NARS2: variants seen among roughly 807,000 people sequenced by gnomAD.
NARS2 encodes the protein asparaginyl-tRNA synthetase 2, mitochondrial, also known as asparaginyl-tRNA synthetase.
In NARS2, 60 loss-of-function variants were observed where a neutral mutation model predicts 62.9. That is an observed-to-expected ratio of 0.95 (90% CI 0.77 to 1.18). The LOEUF is 1.18. Among genes scored for constraint, NARS2 ranks in the 50% most tolerant of loss-of-function variants. The pLI, the probability that NARS2 is intolerant of heterozygous loss-of-function variation, is 0.00. For missense variants in NARS2, 619 were observed against 576.4 expected (o/e 1.07, Z -0.76); for synonymous variants, 196 against 200.0 (o/e 0.98, Z 0.17).
In NARS2 at chr11:78,436,604, G is replaced by A; in HGVS notation, c.*66C>T. On this transcript the variant is annotated 3_prime_UTR_variant, in exon 14 of 14. Coordinates refer to ENST00000281038, the MANE Select transcript of NARS2 (RefSeq NM_024678.6). ...TTTCTAAAATCCAAACATGCATTCT[G>A]CTGTATGCACAATCATGTGCAGTGT... The A allele has an allele frequency of 6.6e-7, 1 of 1,522,376 alleles. No individual in the cohort carries two copies. The highest frequency in any genetic ancestry group is 1.2e-5 in the South Asian group (1 of 84,388). The allele number at this position is 1,522,376 out of a possible 1,614,324, so 94.3% of individuals were successfully genotyped here.
In NARS2 at chr11:78,478,495, A is replaced by G. The variant is rs1451218385; in HGVS notation, c.922-20T>C. On this transcript the variant is annotated intron_variant, in intron 8 of 13. Transcript: ENST00000281038. The stretch of plus-strand genomic sequence containing the variant: ...TCTGTCCTTAATAAAAAGACAAAAA[A>G]GAAAATTTTAAAAATATAATTTTAT... 2 of 1,215,294 alleles carry G rather than the reference A, an allele frequency of 1.6e-6. No individual in the cohort carries two copies. The highest frequency in any genetic ancestry group is 2.3e-6 in the Non-Finnish European group (2 of 888,380). 75.3% of individuals were successfully genotyped at this position (1,215,294 alleles called of 1,614,324 possible). A position where few individuals can be genotyped will look rare whatever the true frequency, so the allele number is the denominator to read the frequency against.
At chr11:78,524,155 C>A (rs1006577547) in intron 6 of NARS2, among the ~76,000 whole-genome samples, 7 of 151,972 alleles carry the variant, frequency 4.6e-5, no homozygotes, top group Non-Finnish European at 1.0e-4. Context: ...GGCCCATTAG[C>A]CCCAGATGAT....
At chr11:78,565,985 C>A in intron 4 of NARS2, 147 bp downstream of exon 4, 3 of 615,850 alleles carry the variant, frequency 4.9e-6, no homozygotes, top group Non-Finnish European at 2.7e-6. Context: ...CATGTAGAGT[C>A]AAGAAACCAT....
At chr11:78,490,480 C>T (rs1859773199) in intron 7 of NARS2, among the ~76,000 whole-genome samples, 2 of 152,150 alleles carry the variant, frequency 1.3e-5, no homozygotes, top group African/African-American at 4.8e-5. Context: ...ATCCATCAGT[C>T]AGGGCATCTA....
chr11:78,574,303 A>G lies in NARS2; in HGVS notation c.141+45T>C, dbSNP rs757988692. The stretch of plus-strand genomic sequence containing the variant: ...AAAGCTAGATGTGGATGTGCCATAT[A>G]AAAGTCCCTACAAGAAAAAACCCAC... On this transcript the variant is annotated intron_variant, in intron 1 of 13. Coordinates refer to ENST00000281038, the MANE Select transcript of NARS2 (RefSeq NM_024678.6). 14 of 1,612,648 alleles carry G rather than the reference A, an allele frequency of 8.7e-6. No individual in the cohort carries two copies. The East Asian group carries it at 8.9e-5, about 10-fold the overall frequency.
intron 5 of NARS2, among the ~76,000 whole-genome samples, chr11:78,551,534 T>C (rs1856114355): frequency 6.6e-6 from 1 of 152,138 alleles, no homozygotes; most frequent in South Asian, 2.1e-4. Flanking sequence ...GTGAGATATG[T>C]TCCAATAAAA....
At chr11:78,462,558 TA>T (rs1565213608) in intron 11 of NARS2, among the ~76,000 whole-genome samples, 1 of 151,986 alleles carries the variant, frequency 6.6e-6, no homozygotes, top group East Asian at 1.9e-4. Flanking sequence ...TAGAAAAAAA[TA>T]CATATATTTT....
chr11:78,572,557 G>A (rs893957928), intron 1 of NARS2, among the ~76,000 whole-genome samples: 1 of 152,168 alleles, frequency 6.6e-6, no homozygotes, highest in African/African-American at 2.4e-5. Context: ...GGACTTGGCT[G>A]AAATATCACC....
chr11:78,546,293 C>G (rs1247288329), intron 5 of NARS2, among the ~76,000 whole-genome samples: 1 of 152,198 alleles, frequency 6.6e-6, no homozygotes. Flanking sequence ...CACAGTACCT[C>G]TTACACAGAT....
At position 78,436,716 on chromosome 11, in the gene NARS2, T is replaced by C. The variant is rs751546716; in HGVS notation, c.1388A>G (p.Lys463Arg). The C allele has an allele frequency of 3.1e-6, 5 of 1,614,224 alleles. No individual in the cohort carries two copies. In the South Asian group the frequency reaches 3.3e-5, roughly 11 times the overall value. ...AAACCTTGGGAAAGGGATAACATCT[T>C]TGATATTGTCAACACCCAAGATGCA... ...LQCILGVDNI[K>R]DVIPFPRFPH... The change falls in exon 14 of 14, where the codon AAA becomes AGA. Residue 463 changes from lysine (K) to arginine (R), a missense_variant. Transcript: ENST00000281038.
chr11:78,555,609 A>G (rs987479808), intron 5 of NARS2, among the ~76,000 whole-genome samples: 7 of 152,074 alleles, frequency 4.6e-5, no homozygotes, highest in Non-Finnish European at 1.0e-4. Flanking sequence ...GTGGCCTATC[A>G]TCAATTTTTT....
At chr11:78,539,390 G>T (rs1855522356) in intron 5 of NARS2, among the ~76,000 whole-genome samples, 1 of 152,118 alleles carries the variant, frequency 6.6e-6, no homozygotes, top group African/African-American at 2.4e-5. Context: ...CTGACATCTA[G>T]ATTTTTTACT....
At chr11:78,538,709 G>A (rs192588667) in intron 5 of NARS2, among the ~76,000 whole-genome samples, 8 of 152,044 alleles carry the variant, frequency 5.3e-5, no homozygotes, top group Admixed American at 3.3e-4. Flanking sequence ...TAAAAGATGA[G>A]GTTAGGCCGG....
rs774798675 is a variant in NARS2 at position 78,566,196 on chromosome 11, T to G, written c.449A>C (p.Asn150Thr). 8 of 1,613,186 alleles carry G rather than the reference T, an allele frequency of 5.0e-6. No individual in the cohort carries two copies. The highest frequency in any genetic ancestry group is 6.8e-6 in the Non-Finnish European group (8 of 1,179,362). Reference sequence around the variant, plus strand: ...AATCCTCAATATAGAACCCAGAACGTTAGTCCTACACCTAAAGTGAGGATA... The same window carrying G: ...AATCCTCAATATAGAACCCAGAACGGTAGTCCTACACCTAAAGTGAGGATA... ...RQYPHFRCRT[N>T]VLGSILRIRS... The change falls in exon 4 of 14, where the codon AAC becomes ACC. Residue 150 changes from asparagine (N) to threonine (T), a missense_variant. Physicochemically the swap from Asn to Thr is moderately conservative, Grantham distance 65 (BLOSUM62 0). Transcript: ENST00000281038.
At chr11:78,539,447 A>C (rs967696265) in intron 5 of NARS2, among the ~76,000 whole-genome samples, 22 of 152,284 alleles carry the variant, frequency 1.4e-4, no homozygotes, top group South Asian at 1.2e-3. Context: ...AAAAAAGAAG[A>C]GGAAAAGGCT....
At chr11:78,496,063 G>A (rs893573037) in intron 6 of NARS2, among the ~76,000 whole-genome samples, 6 of 152,066 alleles carry the variant, frequency 3.9e-5, no homozygotes, top group African/African-American at 7.2e-5. Flanking sequence ...CTCTGACTGA[G>A]GTATCTGAGA....
rs1436137192 is a variant in NARS2, at chr11:78,568,631, C to T, written c.372+1G>A. The T allele has an allele frequency of 2.5e-6, 4 of 1,611,496 alleles. No individual in the cohort carries two copies. Among genetic ancestry groups the T allele is most frequent in the Non-Finnish European group, 3.4e-6 (4 of 1,178,566 alleles). On this transcript the variant is annotated splice_donor_variant, in intron 3 of 13. Transcript: ENST00000281038. LOFTEE classifies it high-confidence loss of function. The stretch of plus-strand genomic sequence containing the variant: ...CTCCACAAAAGTGTCAGAAATCATA[C>T]CTTGGCATCACAATTTCCAATAACT...
At chr11:78,458,997 C>T (rs369863368) in intron 11 of NARS2, among the ~76,000 whole-genome samples, 13,890 of 151,886 alleles carry the variant, frequency 0.091, 837 homozygotes, top group Middle Eastern at 0.15. Flanking sequence ...CAGCTTACTG[C>T]AACTCTGCCT....
chr11:78,525,951 C>T (rs763737792), intron 6 of NARS2, among the ~76,000 whole-genome samples: 2 of 152,020 alleles, frequency 1.3e-5, no homozygotes, highest in Non-Finnish European at 2.9e-5. Context: ...GATTAGAGTA[C>T]ATTCCACAGG....
Sources: allele counts gnomAD v4.1 joint callset (sites outside exome capture counted in the v4.1 genomes callset), GRCh38; gene constraint gnomAD v4.1.1; transcripts MANE v1.5; gene names NCBI Gene and HGNC (gene_info 2026-07-23, HGNC 2026-07-21).